Variants in TENM3 observed in about 807,000 individuals in gnomAD.
The protein encoded by TENM3 is teneurin transmembrane protein 3, also known as teneurin-3.
Under a neutral mutation model 255.1 loss-of-function variants are expected in TENM3, and 63 were observed. The ratio of observed to expected loss-of-function variants is 0.25; its 90% CI spans 0.20 to 0.30. The LOEUF (loss-of-function observed/expected upper bound fraction) is 0.30. TENM3 is among the 10% of genes least tolerant of loss of function. TENM3 has a pLI of 1.00. For missense variants in TENM3, 2,929 were observed against 3,461.1 expected (o/e 0.85, Z 3.86); for synonymous variants, 1,306 against 1,322.3 (o/e 0.99, Z 0.27).
At chr4:182,282,231 C>T (rs536527068) in intron 1 of TENM3, among the ~76,000 whole-genome samples, 1 of 152,138 alleles carries the variant, frequency 6.6e-6, no homozygotes, top group Admixed American at 6.5e-5. Flanking sequence ...AGTGCCCTTC[C>T]CATAGGCATG....
rs978479070 is a variant in TENM3, at chr4:182,422,199, A to AT, written c.511+75277dup. 7.2e-5 allele frequency among the ~76,000 whole-genome samples: 11 copies of AT among 151,748 alleles called. No individual in the cohort carries two copies. The East Asian group carries it at 2.1e-3, about 29-fold the overall frequency. ...CTTATTTATCAACGGATAGCTACAC[A>AT]TTTTTTTCACTGTTTTTTTTTAAAA... On this transcript the variant is annotated intron_variant, in intron 3 of 27. Transcript: ENST00000511685.
chr4:182,174,572 A>G (rs1752335877), intron 1 of TENM3, among the ~76,000 whole-genome samples: 1 of 151,310 alleles, frequency 6.6e-6, no homozygotes, highest in African/African-American at 2.4e-5. Context: ...CCTTAAGCTC[A>G]CCTGAATGAC....
chr4:181,945,989 T>A, the TENM3 span, among the ~76,000 whole-genome samples: 1 of 152,102 alleles, frequency 6.6e-6, no homozygotes, highest in East Asian at 1.9e-4. Flanking sequence ...AATAGGTCCC[T>A]ATTGTTCCAT....
intron 1 of TENM3, among the ~76,000 whole-genome samples, chr4:182,283,068 T>C (rs950451181): frequency 6.6e-6 from 1 of 152,302 alleles, no homozygotes; most frequent in South Asian, 2.1e-4. Context: ...TTTGGAAATA[T>C]TAGAAAGCTG....
chr4:181,712,996 C>CCAT, the TENM3 span, among the ~76,000 whole-genome samples: 8 of 152,242 alleles, frequency 5.3e-5, no homozygotes, highest in South Asian at 6.2e-4. Context: ...TCCAACTATC[C>CCAT]CATCATCACT....
chr4:182,089,245 G>C, the TENM3 span, among the ~76,000 whole-genome samples: 1 of 152,132 alleles, frequency 6.6e-6, no homozygotes, highest in Non-Finnish European at 1.5e-5. Context: ...TTTACAAACA[G>C]GTAATCTTAG....
At chr4:181,749,498 T>A in the TENM3 span, among the ~76,000 whole-genome samples, 13 of 152,256 alleles carry the variant, frequency 8.5e-5, no homozygotes, top group South Asian at 2.1e-3. Context: ...AGAAAACTCA[T>A]TTCTGCCCAT....
chr4:182,369,381 A>C (rs960780978), intron 3 of TENM3, among the ~76,000 whole-genome samples: 5 of 152,200 alleles, frequency 3.3e-5, no homozygotes, highest in African/African-American at 1.2e-4. Flanking sequence ...GCCACAGCCT[A>C]ATTCTAAAAC....
rs936623091 is a variant in TENM3, at chr4:182,799,322, G to A, written c.7345-274G>A. Among the ~76,000 whole-genome samples the A allele has an allele frequency of 1.3e-5, 2 of 152,216 alleles. No individual in the cohort carries two copies. Among genetic ancestry groups the A allele is most frequent in the Non-Finnish European group, 2.9e-5 (2 of 68,032 alleles). On this transcript the variant is annotated intron_variant, in intron 27 of 27. Coordinates refer to ENST00000511685, the MANE Select transcript of TENM3 (RefSeq NM_001080477.4). This position sits in a 1 kb window ranked among gnomAD's most constrained non-coding sequence, Gnocchi z 4.2. ...TCTAGAAACTGTAAGAGAAAAGCAA[G>A]AAACAGGACTATTTTTCCCATGTTA...
intron 3 of TENM3, among the ~76,000 whole-genome samples, chr4:182,423,862 A>G (rs1435671555): frequency 6.6e-6 from 1 of 152,208 alleles, no homozygotes; most frequent in Non-Finnish European, 1.5e-5. Flanking sequence ...ACGTAAGTTC[A>G]GCATTAAACA....
the TENM3 span, among the ~76,000 whole-genome samples, chr4:182,045,184 C>T: frequency 0.025 from 3,801 of 152,182 alleles, 165 homozygotes; most frequent in African/African-American, 0.085. Flanking sequence ...TGAGCAGGGC[C>T]ATCTCTGAGC....
At chr4:181,677,362 C>T in the TENM3 span, among the ~76,000 whole-genome samples, 2 of 152,112 alleles carry the variant, frequency 1.3e-5, no homozygotes, top group Non-Finnish European at 2.9e-5. Flanking sequence ...CCCCCTGCTC[C>T]TCTTTCAGAG....
chr4:182,585,974 CT>C (rs1745983241), intron 3 of TENM3, among the ~76,000 whole-genome samples: 1 of 152,254 alleles, frequency 6.6e-6, no homozygotes, highest in Non-Finnish European at 1.5e-5. Context: ...GCACAACCGG[CT>C]GGGCACAGTG....
chr4:181,558,883 A>G, the TENM3 span, among the ~76,000 whole-genome samples: 1 of 152,208 alleles, frequency 6.6e-6, no homozygotes, highest in African/African-American at 2.4e-5. Context: ...ATGGCTTAAT[A>G]TTTGATCATT....
chr4:182,485,943 T>TAGAGACCTA (rs1043840264), intron 3 of TENM3, among the ~76,000 whole-genome samples: 3 of 152,108 alleles, frequency 2.0e-5, no homozygotes, highest in African/African-American at 7.2e-5. Flanking sequence ...GGGGATTCTA[T>TAGAGACCTA]AGAGACCTAC....
At chr4:182,562,638 C>T (rs539179435) in intron 3 of TENM3, among the ~76,000 whole-genome samples, 4 of 152,244 alleles carry the variant, frequency 2.6e-5, no homozygotes, top group Admixed American at 2.0e-4. Flanking sequence ...TCTGACTGAA[C>T]ACCCTGCACA....
At chr4:182,496,573 T>C (rs1229854195) in intron 3 of TENM3, among the ~76,000 whole-genome samples, 1 of 152,162 alleles carries the variant, frequency 6.6e-6, no homozygotes, top group Non-Finnish European at 1.5e-5. Flanking sequence ...GATTTCTGCT[T>C]GTTATAGTCA....
chr4:181,778,230 C>A, the TENM3 span, among the ~76,000 whole-genome samples: 1 of 151,780 alleles, frequency 6.6e-6, no homozygotes, highest in African/African-American at 2.4e-5. Flanking sequence ...ACCTCCGCAG[C>A]AAAAAAAGGA....
chr4:182,077,242 G>A, the TENM3 span, among the ~76,000 whole-genome samples: 1 of 152,174 alleles, frequency 6.6e-6, no homozygotes, highest in Non-Finnish European at 1.5e-5. Flanking sequence ...CCACCGACTT[G>A]TATATTTTTG....
Sources: allele counts gnomAD v4.1 joint callset (sites outside exome capture counted in the v4.1 genomes callset), GRCh38; gene constraint gnomAD v4.1.1; non-coding constraint Gnocchi (gnomAD v3.1); transcripts MANE v1.5; gene names NCBI Gene and HGNC (gene_info 2026-07-23, HGNC 2026-07-21).